Variants in THSD7A observed in about 807,000 individuals in gnomAD.
The protein encoded by THSD7A is thrombospondin type 1 domain containing 7A.
In THSD7A, 96 loss-of-function variants were observed where a neutral mutation model predicts 231.3. The ratio of observed to expected loss-of-function variants is 0.41; its 90% CI spans 0.35 to 0.49. The LOEUF (loss-of-function observed/expected upper bound fraction) is 0.49. THSD7A is among the 20% of genes least tolerant of loss of function. The probability of loss-of-function intolerance (pLI) is 0.05; values close to 1 mark genes in which losing one functional copy is unlikely to be tolerated. For synonymous variants in THSD7A, 940 were observed against 743.3 expected, an observed-to-expected ratio of 1.26 and a Z score of -4.30; for missense variants, 2,290 against 2,070.2, an observed-to-expected ratio of 1.11 and a Z score of -2.06.
intron 1 of THSD7A, among the ~76,000 whole-genome samples, chr7:11,773,471 G>A (rs994059160): frequency 6.6e-6 from 1 of 151,914 alleles, no homozygotes; most frequent in African/African-American, 2.4e-5. Context: ...CAGAGATTGG[G>A]GTGAGCTGAA....
intron 6 of THSD7A, among the ~76,000 whole-genome samples, chr7:11,540,649 G>A (rs999314672): frequency 6.6e-6 from 1 of 152,190 alleles, no homozygotes; most frequent in African/African-American, 2.4e-5. Context: ...GGGGAGTCTT[G>A]TGGTTTTCAA....
In THSD7A at chr7:11,374,510, CAGAG is replaced by C. The variant is rs892586804; in HGVS notation, c.*1280_*1283del. On this transcript the variant is annotated 3_prime_UTR_variant, in exon 28 of 28. Transcript: ENST00000423059. ...GACATTCAATCTGAAACTGGGAAAT[CAGAG>C]AGAAAGAAAAATCAACATATAATTT... The C allele has an allele frequency of 6.6e-6, 1 of 151,948 alleles. No individual in the cohort carries two copies. The highest frequency in any genetic ancestry group is 1.5e-5 in the Non-Finnish European group (1 of 67,962). The allele number at this position is 151,948 out of a possible 1,614,324, so 9.4% of individuals were successfully genotyped here.
At position 11,406,492 on chromosome 7, in the gene THSD7A, A is replaced by G. The variant is rs775149821; in HGVS notation, c.4063-18T>C. 5 of 1,591,884 alleles carry G rather than the reference A, an allele frequency of 3.1e-6. No homozygotes were observed. Among genetic ancestry groups the G allele is most frequent in the Non-Finnish European group, 3.4e-6 (4 of 1,170,714 alleles). On this transcript the variant is annotated intron_variant, in intron 21 of 27. Transcript: ENST00000423059. This position sits in a 1 kb window ranked among gnomAD's most constrained non-coding sequence, Gnocchi z 4.7. ...TGGGCCTCCTGGAATGGAGGAAGAA[A>G]TAACTAATTAGAAAAAGAGAAATAC... is the stretch of plus-strand genomic sequence containing the variant.
rs1266314561 is a variant in THSD7A, at chr7:11,831,372, A to T, written c.190+385T>A. Among the ~76,000 whole-genome samples, 1 of 152,216 alleles carries T rather than the reference A, an allele frequency of 6.6e-6. No individual in the cohort carries two copies. The highest frequency in any genetic ancestry group is 2.1e-4 in the South Asian group (1 of 4,838). The stretch of plus-strand genomic sequence containing the variant: ...TATATCCACAAATGTCATGACAGTG[A>T]GCATATTGCTTTGCCTAAAGAATAA... On this transcript the variant is annotated intron_variant, in intron 1 of 27. Transcript: ENST00000423059. The surrounding 1 kb of genome is among the most constrained non-coding windows in gnomAD (Gnocchi z 5.0).
At chr7:11,607,330 A>G (rs1780766586) in intron 2 of THSD7A, among the ~76,000 whole-genome samples, 1 of 152,104 alleles carries the variant, frequency 6.6e-6, no homozygotes, top group Admixed American at 6.6e-5. Flanking sequence ...CTCATAGTCA[A>G]GAGATTTAAG....
chr7:11,578,767 A>C (rs147834681), intron 4 of THSD7A, among the ~76,000 whole-genome samples: 8 of 152,340 alleles, frequency 5.3e-5, no homozygotes, highest in African/African-American at 1.9e-4. Context: ...GGCAGAAAAT[A>C]GAGGAAAAGC....
rs1483637390 is a variant in THSD7A at position 11,831,061 on chromosome 7, C to A, written c.190+696G>T. On this transcript the variant is annotated intron_variant, in intron 1 of 27. Coordinates refer to ENST00000423059, the MANE Select transcript of THSD7A (RefSeq NM_015204.3). This position sits in a 1 kb window ranked among gnomAD's most constrained non-coding sequence, Gnocchi z 5.0. Reference sequence around the variant, plus strand: ...CACGGCCCCCGCCAGAAACTCCAAGCATTTTGCCAATGGGTAATGATGGGC... The same window carrying A: ...CACGGCCCCCGCCAGAAACTCCAAGAATTTTGCCAATGGGTAATGATGGGC... Among the ~76,000 whole-genome samples the A allele has an allele frequency of 6.6e-6, 1 of 152,154 alleles. No homozygotes were observed. Among genetic ancestry groups the A allele is most frequent in the Non-Finnish European group, 1.5e-5 (1 of 68,032 alleles).
intron 6 of THSD7A, among the ~76,000 whole-genome samples, chr7:11,507,108 C>T (rs1378233922): frequency 6.6e-6 from 1 of 152,120 alleles, no homozygotes; most frequent in East Asian, 1.9e-4. Context: ...TACCTAAAGA[C>T]ATTAAGCAGT....
rs372097394 is a variant in THSD7A, at chr7:11,378,252, T to A, written c.4801+818A>T. The A allele has an allele frequency of 3.3e-5, 5 of 152,272 alleles. No homozygotes were observed. In the East Asian group the frequency reaches 7.7e-4, roughly 23 times the overall value. The allele number at this position is 152,272 out of a possible 1,614,324, so 9.4% of individuals were successfully genotyped here. A position where few individuals can be genotyped will look rare whatever the true frequency, so the allele number is the denominator to read the frequency against. ...TGCCTGGCTCTGCCTGGAGATTACT[T>A]CATAGACTAGTAGTTCTTCCAGGTT... On this transcript the variant is annotated intron_variant, in intron 26 of 27. Coordinates refer to ENST00000423059, the MANE Select transcript of THSD7A (RefSeq NM_015204.3).
intron 2 of THSD7A, among the ~76,000 whole-genome samples, chr7:11,599,637 T>C (rs759820027): frequency 6.6e-5 from 10 of 152,218 alleles, no homozygotes; most frequent in Admixed American, 2.0e-4. Flanking sequence ...AGTTGTATTA[T>C]GTTAGGCATA....
chr7:11,762,190 G>A (rs1218365179), intron 1 of THSD7A, among the ~76,000 whole-genome samples: 1 of 152,070 alleles, frequency 6.6e-6, no homozygotes, highest in East Asian at 1.9e-4. Context: ...ATTGTAAATA[G>A]TGCTGTGATA....
intron 11 of THSD7A, among the ~76,000 whole-genome samples, chr7:11,459,108 A>G (rs753668865): frequency 3.3e-5 from 5 of 151,910 alleles, no homozygotes; most frequent in Non-Finnish European, 7.4e-5. Context: ...GCTTTACCTA[A>G]TTTTATTTCA....
At chr7:11,830,319 A>G (rs541283225) in intron 1 of THSD7A, among the ~76,000 whole-genome samples, 15 of 152,326 alleles carry the variant, frequency 9.8e-5, no homozygotes, top group African/African-American at 3.1e-4. Flanking sequence ...ATTTCATCCT[A>G]CACTGACTTA....
intron 13 of THSD7A, among the ~76,000 whole-genome samples, chr7:11,439,217 A>G (rs1037906214): frequency 1.3e-5 from 2 of 152,008 alleles, no homozygotes; most frequent in African/African-American, 2.4e-5. Context: ...GAGTAATAAA[A>G]CTTGATAAAG....
intron 1 of THSD7A, among the ~76,000 whole-genome samples, chr7:11,816,933 T>C (rs1042807964): frequency 6.6e-6 from 1 of 152,224 alleles, no homozygotes; most frequent in African/African-American, 2.4e-5. Flanking sequence ...CATGTATACA[T>C]GTGTGATTAT....
At chr7:11,706,880 T>C (rs1025828857) in intron 1 of THSD7A, among the ~76,000 whole-genome samples, 2 of 150,624 alleles carry the variant, frequency 1.3e-5, no homozygotes. Context: ...ATCTGAACTC[T>C]GCAGATACCA....
chr7:11,409,799 G>A (rs945782920), intron 19 of THSD7A, among the ~76,000 whole-genome samples: 3 of 152,026 alleles, frequency 2.0e-5, no homozygotes, highest in African/African-American at 7.3e-5. Context: ...CTGGAGTGCA[G>A]TGGTGTGATC....
intron 1 of THSD7A, among the ~76,000 whole-genome samples, chr7:11,641,600 T>C (rs1438282997): frequency 6.6e-6 from 1 of 151,954 alleles, no homozygotes; most frequent in Non-Finnish European, 1.5e-5. Flanking sequence ...TTATTCCAAG[T>C]ATATTTACAT....
chr7:11,610,148 T>C (rs1363959768), intron 2 of THSD7A, among the ~76,000 whole-genome samples: 4 of 152,164 alleles, frequency 2.6e-5, no homozygotes, highest in Non-Finnish European at 4.4e-5. Context: ...AACTTTCCTC[T>C]CTGGAAGCCA....
Sources: allele counts gnomAD v4.1 joint callset (sites outside exome capture counted in the v4.1 genomes callset), GRCh38; gene constraint gnomAD v4.1.1; non-coding constraint Gnocchi (gnomAD v3.1); transcripts MANE v1.5; gene names NCBI Gene and HGNC (gene_info 2026-07-23, HGNC 2026-07-21).